The following SPEN variants were observed in gnomAD, a reference collection of about 807,000 sequenced individuals.
SPEN encodes the protein msx2-interacting protein.
SPEN carries 18 observed loss-of-function variants against 269.9 expected under a neutral mutation model. The ratio of observed to expected loss-of-function variants is 0.07; its 90% CI spans 0.05 to 0.10. The LOEUF (loss-of-function observed/expected upper bound fraction) is 0.10, where lower values mean the gene tolerates loss of function less well. Among genes scored for constraint, SPEN ranks in the 10% least tolerant of loss-of-function variants. SPEN has a pLI of 1.00. For synonymous variants in SPEN, 1,726 were observed against 1,765.7 expected, an observed-to-expected ratio of 0.98 and a Z score of 0.56; for missense variants, 3,822 against 4,631.2, an observed-to-expected ratio of 0.83 and a Z score of 5.07.
In SPEN at chr1:15,847,992, C is replaced by T. The variant is rs1159218644; in HGVS notation, c.-76C>T. On this transcript the variant is annotated 5_prime_UTR_variant, in exon 1 of 15. Transcript: ENST00000375759. Reference sequence around the variant, plus strand: ...GCCGCCGCCGCCGCCCCGGCACCCGCCTCCCGGCGCTGACGGTCTCGTACG... The same window carrying T: ...GCCGCCGCCGCCGCCCCGGCACCCGTCTCCCGGCGCTGACGGTCTCGTACG... The T allele has an allele frequency of 5.9e-6, 6 of 1,012,708 alleles. No individual in the cohort carries two copies. Among genetic ancestry groups the T allele is most frequent in the Non-Finnish European group, 7.7e-6 (6 of 776,112 alleles). 62.7% of individuals were successfully genotyped at this position (1,012,708 alleles called of 1,614,324 possible).
Position 15,928,804 on chromosome 1 carries a change from A to C in SPEN, c.2564A>C (p.Asn855Thr). The C allele has an allele frequency of 6.2e-7, 1 of 1,614,174 alleles. No individual in the cohort carries two copies. The highest frequency in any genetic ancestry group is 8.5e-7 in the Non-Finnish European group (1 of 1,180,034). Residue 855 changes from asparagine (N) to threonine (T), a missense_variant, in exon 11 of 15, where the codon AAT becomes ACT. Physicochemically the swap from Asn to Thr is moderately conservative, Grantham distance 65 (BLOSUM62 0). Coordinates refer to ENST00000375759, the MANE Select transcript of SPEN (RefSeq NM_015001.3). This position sits in a 1 kb window ranked among gnomAD's most constrained non-coding sequence, Gnocchi z 5.7. Reference sequence around the variant, plus strand: ...AGCCCTGAAAAGCCCAGGAGTTGTAATAAACTGAGCAGAGAGAAAGCTGAC... The same window carrying C: ...AGCCCTGAAAAGCCCAGGAGTTGTACTAAACTGAGCAGAGAGAAAGCTGAC... ...EQSPEKPRSCNKLSREKADKE... is the reference protein window; with the variant it reads ...EQSPEKPRSCTKLSREKADKE...
At chr1:15,849,876 G>A (rs1487647142) in intron 1 of SPEN, among the ~76,000 whole-genome samples, 1 of 152,136 alleles carries the variant, frequency 6.6e-6, no homozygotes, top group Non-Finnish European at 1.5e-5. Context: ...GTAGGTCTCT[G>A]CCTGGGAAAT....
rs1197857118 is a variant in SPEN, at chr1:15,937,559, C to A, written c.10423C>A (p.His3475Asn). The A allele has an allele frequency of 1.9e-6, 3 of 1,614,052 alleles. No individual in the cohort carries two copies. In the African/African-American group the frequency reaches 4.0e-5, roughly 22 times the overall value. Reference sequence around the variant, plus strand: ...CACCCCACCAGGACTGGTTCTGCCACACACTGAATTCCAGCCAGCCCCCAA... The same window carrying A: ...CACCCCACCAGGACTGGTTCTGCCAAACACTGAATTCCAGCCAGCCCCCAA... ...PSTPPGLVLPHTEFQPAPKQD... is the reference protein window; with the variant it reads ...PSTPPGLVLPNTEFQPAPKQD... Residue 3475 changes from histidine (H) to asparagine (N), a missense_variant, in exon 12 of 15, where the codon CAC (histidine) becomes AAC (asparagine). By Grantham distance (68) the His-to-Asn change is moderately conservative (BLOSUM62 1). Coordinates refer to ENST00000375759, the MANE Select transcript of SPEN (RefSeq NM_015001.3). The surrounding 1 kb of genome is among the most constrained non-coding windows in gnomAD (Gnocchi z 5.7).
Position 15,933,356 on chromosome 1 carries a change from G to T in SPEN, c.7116G>T (p.Gly2372=). ...AQGESPAANE[G]TTVQHPEAPQ... ...GTGAGAGTCCTGCTGCAAATGAGGG[G>T]ACAACAGTACAGCACCCCGAAGCCC... Residue 2372 remains glycine, a synonymous_variant, in exon 11 of 15, where the codon GGG becomes GGT. Transcript: ENST00000375759. The surrounding 1 kb of genome is among the most constrained non-coding windows in gnomAD (Gnocchi z 5.7). 6.2e-7 allele frequency: 1 copy of T among 1,614,122 alleles called. No individual in the cohort carries two copies. The highest frequency in any genetic ancestry group is 8.5e-7 in the Non-Finnish European group (1 of 1,180,024).
intron 10 of SPEN, among the ~76,000 whole-genome samples, chr1:15,923,462 A>T (rs538447002): frequency 4.6e-5 from 7 of 152,116 alleles, no homozygotes; most frequent in Non-Finnish European, 8.8e-5. Context: ...GGTTTGTGTG[A>T]AAAACGCCTT....
Position 15,920,403 on chromosome 1 carries a change from A to G in SPEN, c.1636-467A>G, listed in dbSNP as rs113891812. Among the ~76,000 whole-genome samples the G allele has an allele frequency of 1.6e-3, 238 of 152,326 alleles. 1 individual carries two copies. Among genetic ancestry groups the G allele is most frequent in the African/African-American group, 5.5e-3 (229 of 41,578 alleles). On this transcript the variant is annotated intron_variant, in intron 8 of 14. Transcript: ENST00000375759. Reference sequence around the variant, plus strand: ...TAGCTTTTGTTGTTTAGAGAAATACACATCTTAAAGATTGCCTGTATAAAA... The same window carrying G: ...TAGCTTTTGTTGTTTAGAGAAATACGCATCTTAAAGATTGCCTGTATAAAA...
chr1:15,868,435 A>C (rs561474570), intron 1 of SPEN, among the ~76,000 whole-genome samples: 4 of 149,774 alleles, frequency 2.7e-5, no homozygotes, highest in Admixed American at 1.3e-4. Context: ...AGATAGAATA[A>C]AACTTTTTTT....
At chr1:15,925,628 T>G (rs568842064) in intron 10 of SPEN, among the ~76,000 whole-genome samples, 1 of 151,454 alleles carries the variant, frequency 6.6e-6, no homozygotes, top group South Asian at 2.1e-4. Flanking sequence ...GGGGTCTTGC[T>G]GTGTTGATCC....
At chr1:15,915,727 TG>T (rs2071061285) in intron 5 of SPEN, among the ~76,000 whole-genome samples, 1 of 151,986 alleles carries the variant, frequency 6.6e-6, no homozygotes, top group Admixed American at 6.6e-5. Context: ...TTGGTAGAGA[TG>T]GGGTTTCAAC....
At chr1:15,853,173 A>G (rs1424370134) in intron 1 of SPEN, among the ~76,000 whole-genome samples, 1 of 151,418 alleles carries the variant, frequency 6.6e-6, no homozygotes, top group African/African-American at 2.4e-5. Context: ...TTTTATTTTC[A>G]TTATTTTTTT....
Position 15,939,760 on chromosome 1 carries a change from CAAGAAAA to C in SPEN, c.*334_*340del. On this transcript the variant is annotated 3_prime_UTR_variant, in exon 15 of 15. Transcript: ENST00000375759. The surrounding 1 kb of genome is among the most constrained non-coding windows in gnomAD (Gnocchi z 4.1). ...TTTTTGTTTGTTTGTTTTTAAGAAA[CAAGAAAA>C]CAGAACTGCCTTTGCACTAAATTAG... The C allele has an allele frequency of 3.9e-6, 1 of 256,558 alleles. No homozygotes were observed. The highest frequency in any genetic ancestry group is 7.5e-6 in the Non-Finnish European group (1 of 134,000). 15.9% of individuals were successfully genotyped at this position (256,558 alleles called of 1,614,324 possible).
Position 15,934,557 on chromosome 1 carries a change from T to C in SPEN, c.8317T>C (p.Cys2773Arg). ...AGAVIAPSTK[C>R]KQRASANENS... ...GGCAGTGATTGCGCCGTCAACAAAGTGCAAACAGAGAGCGAGTGCTAATGA... is the reference window on the plus strand; with the variant it reads ...GGCAGTGATTGCGCCGTCAACAAAGCGCAAACAGAGAGCGAGTGCTAATGA... Residue 2773 changes from cysteine (C) to arginine (R), a missense_variant, in exon 11 of 15, where the codon TGC becomes CGC. Physicochemically the swap from Cys to Arg is radical, Grantham distance 180. Transcript: ENST00000375759. This position sits in a 1 kb window ranked among gnomAD's most constrained non-coding sequence, Gnocchi z 9.2. The C allele has an allele frequency of 6.2e-7, 1 of 1,614,018 alleles. No individual in the cohort carries two copies. Among genetic ancestry groups the C allele is most frequent in the Non-Finnish European group, 8.5e-7 (1 of 1,180,016 alleles).
chr1:15,884,329 C>A (rs1570003098), intron 3 of SPEN, among the ~76,000 whole-genome samples: 1 of 152,046 alleles, frequency 6.6e-6, no homozygotes, highest in African/African-American at 2.4e-5. Context: ...ACTCACATAT[C>A]CTTTTGTCTT....
chr1:15,932,826 G>A lies in SPEN; in HGVS notation c.6586G>A (p.Glu2196Lys), dbSNP rs780733007. 1.9e-6 allele frequency: 3 copies of A among 1,614,234 alleles called. No homozygotes were observed. In the African/African-American group the frequency reaches 4.0e-5, roughly 22 times the overall value. ...TGCTGCCTATAAGGCAGATGCACCA[G>A]AGGGCCTTGCCCCAGAGGACAGGGA... ...ASAAYKADAP[E>K]GLAPEDRDKP... The change falls in exon 11 of 15, where the codon GAG (glutamate) becomes AAG (lysine). Residue 2196 changes from glutamate to lysine, a missense_variant. By Grantham distance (56) the Glu-to-Lys change is moderately conservative (BLOSUM62 1). This residue lies in a region of SPEN where 727 missense variants were observed against 737.9 expected (regional missense o/e 0.99). Transcript: ENST00000375759. This position sits in a 1 kb window ranked among gnomAD's most constrained non-coding sequence, Gnocchi z 4.2.
intron 3 of SPEN, among the ~76,000 whole-genome samples, chr1:15,899,964 G>A (rs941346663): frequency 2.0e-5 from 3 of 151,958 alleles, no homozygotes; most frequent in Non-Finnish European, 4.4e-5. Context: ...TCCTGCCTCA[G>A]CCTCCTGAGT....
chr1:15,900,250 G>A (rs550882249), intron 3 of SPEN, among the ~76,000 whole-genome samples: 1 of 152,242 alleles, frequency 6.6e-6, no homozygotes, highest in African/African-American at 2.4e-5. Flanking sequence ...TTTCTTCTGA[G>A]CATTGTACTT....
At position 15,933,997 on chromosome 1, in the gene SPEN, C is replaced by T; in HGVS notation, c.7757C>T (p.Thr2586Ile). 1.2e-6 allele frequency: 2 copies of T among 1,613,958 alleles called. No homozygotes were observed. Among genetic ancestry groups the T allele is most frequent in the Non-Finnish European group, 1.7e-6 (2 of 1,179,936 alleles). The change falls in exon 11 of 15, where the codon ACA becomes ATA. Residue 2586 changes from threonine (T) to isoleucine (I), a missense_variant. This residue lies in a region of SPEN where 727 missense variants were observed against 737.9 expected (regional missense o/e 0.99). Transcript: ENST00000375759. This position sits in a 1 kb window ranked among gnomAD's most constrained non-coding sequence, Gnocchi z 5.7. ...VDSKKPLEEK[T>I]APPVTNNSEI... is the part of the protein sequence containing the mutation. ...TCTAAAAAGCCTTTAGAAGAAAAAA[C>T]AGCACCTCCAGTGACAAACAACTCT...
intron 1 of SPEN, among the ~76,000 whole-genome samples, chr1:15,870,571 T>C (rs1256094701): frequency 6.6e-6 from 1 of 152,256 alleles, no homozygotes; most frequent in African/African-American, 2.4e-5. Flanking sequence ...TCTGTTGTCT[T>C]GCTTCAAGAA....
At chr1:15,862,833 C>CTT (rs2070461251) in intron 1 of SPEN, among the ~76,000 whole-genome samples, 1 of 151,808 alleles carries the variant, frequency 6.6e-6, no homozygotes, top group African/African-American at 2.4e-5. Flanking sequence ...GCAATCTCAG[C>CTT]TTACTGTAAG....
Sources: allele counts gnomAD v4.1 joint callset (sites outside exome capture counted in the v4.1 genomes callset), GRCh38; gene constraint gnomAD v4.1.1; regional missense constraint gnomAD v4.1.1; non-coding constraint Gnocchi (gnomAD v3.1); transcripts MANE v1.5; gene names NCBI Gene and HGNC (gene_info 2026-07-23, HGNC 2026-07-21).